ABCA12: variants seen among roughly 807,000 people sequenced by gnomAD.
ABCA12 encodes the protein ATP binding cassette subfamily A member 12.
A neutral mutation model predicts 293.5 loss-of-function variants in ABCA12; 156 were observed. That is an observed-to-expected ratio of 0.53 (90% CI 0.47 to 0.61). The LOEUF (loss-of-function observed/expected upper bound fraction) is 0.61, where lower values mean the gene tolerates loss of function less well. Among genes scored for constraint, ABCA12 ranks in the 20% least tolerant of loss-of-function variants. ABCA12 has a pLI of 0.00. For synonymous variants in ABCA12, 1,063 were observed against 1,108.0 expected (o/e 0.96, Z 0.81); for missense variants, 2,797 against 3,090.2 (o/e 0.91, Z 2.25).
At chr2:214,993,655 C>T (rs1315973240) in intron 23 of ABCA12, among the ~76,000 whole-genome samples, 2 of 152,170 alleles carry the variant, frequency 1.3e-5, no homozygotes, top group African/African-American at 4.8e-5. Context: ...CCTATACAAA[C>T]ATATTTCGTC....
At chr2:215,104,508 C>G (rs879593082) in intron 2 of ABCA12, among the ~76,000 whole-genome samples, 1 of 152,176 alleles carries the variant, frequency 6.6e-6, no homozygotes, top group Non-Finnish European at 1.5e-5. Context: ...TTCGACCCCT[C>G]TGTGTGCTTC....
At chr2:214,951,113 A>G (rs766735654) in intron 44 of ABCA12, 30 bp from the exon 45 acceptor site, 8 of 1,587,064 alleles carry the variant, frequency 5.0e-6, no homozygotes, top group Non-Finnish European at 6.9e-6. Flanking sequence ...TTTTACGTCA[A>G]TGATTTTGAA....
At chr2:215,112,493 TTTTG>T (rs1702595125) in intron 1 of ABCA12, among the ~76,000 whole-genome samples, 1 of 33,664 alleles carries the variant, frequency 3.0e-5, no homozygotes, top group Non-Finnish European at 4.2e-4. Flanking sequence ...TTTGTTTTTT[TTTTG>T]TTTTTTTTTG....
intron 1 of ABCA12, 96 bp downstream of exon 1, chr2:215,138,044 A>T: frequency 7.9e-7 from 1 of 1,273,330 alleles, no homozygotes; most frequent in Non-Finnish European, 1.1e-6. Context: ...AAATGCCTTT[A>T]AACTCTTCTG....
intron 20 of ABCA12, 48 bp downstream of exon 20, chr2:215,004,161 T>C (rs752735993): frequency 6.8e-7 from 1 of 1,465,018 alleles, no homozygotes. Context: ...ATGTTGTTTA[T>C]ATGTCCGACA....
chr2:215,007,772 GAA>G lies in ABCA12; in HGVS notation c.2545_2546del (p.Phe849HisfsTer37). Reference protein sequence around the residue: ...SQEWMDKSPLFMNSFHLLNQA... With the variant: ...SQEWMDKSPLXMNSFHLLNQA... Reference sequence around the variant, plus strand: ...GGTTTAACAGATGGAAGGAATTCATGAAAAGTGGCGACTTATCCATCCACTCT... The same window carrying G: ...GGTTTAACAGATGGAAGGAATTCATGAAGTGGCGACTTATCCATCCACTCT... On this transcript the variant is annotated frameshift_variant, in exon 19 of 53. Coordinates refer to ENST00000272895, the MANE Select transcript of ABCA12 (RefSeq NM_173076.3). LOFTEE classifies it high-confidence loss of function. The G allele has an allele frequency of 6.2e-7, 1 of 1,614,036 alleles. No homozygotes were observed. The highest frequency in any genetic ancestry group is 8.5e-7 in the Non-Finnish European group (1 of 1,179,952).
At position 215,046,062 on chromosome 2, in the gene ABCA12, T is replaced by C. The variant is rs10179876; in HGVS notation, c.694-47A>G. On this transcript the variant is annotated intron_variant, in intron 6 of 52. Transcript: ENST00000272895. Reference sequence around the variant, plus strand: ...CAGAGCAAAATGAGACTTTAACATTTGTAATCACATGGTTTGCTGTTTTTA... The same window carrying C: ...CAGAGCAAAATGAGACTTTAACATTCGTAATCACATGGTTTGCTGTTTTTA... The C allele has an allele frequency of 0.037, 57,878 of 1,578,924 alleles. 8,936 individuals are homozygous for C. In the African/African-American group the frequency reaches 0.48, roughly 13 times the overall value.
chr2:214,969,828 A>G (rs1044280057), intron 37 of ABCA12, among the ~76,000 whole-genome samples: 1 of 152,070 alleles, frequency 6.6e-6, no homozygotes, highest in African/African-American at 2.4e-5. Context: ...GTCCATGACA[A>G]ATGCTTGGGT....
At chr2:214,968,137 T>C (rs1699306596) in intron 38 of ABCA12, among the ~76,000 whole-genome samples, 1 of 152,098 alleles carries the variant, frequency 6.6e-6, no homozygotes, top group African/African-American at 2.4e-5. Context: ...ACCAAAAAAA[T>C]TCTGAAGGAA....
chr2:215,090,734 C>T (rs2970951), intron 2 of ABCA12, among the ~76,000 whole-genome samples: 11 of 152,140 alleles, frequency 7.2e-5, no homozygotes, highest in African/African-American at 2.7e-4. Context: ...GCAAGTACCA[C>T]TTCCCCTGGG....
chr2:214,967,994 G>A (rs1412925046), intron 38 of ABCA12, among the ~76,000 whole-genome samples: 1 of 152,124 alleles, frequency 6.6e-6, no homozygotes, highest in Non-Finnish European at 1.5e-5. Context: ...TAAGTGAGCA[G>A]AATTATTTAT....
At chr2:215,052,614 TC>T in intron 4 of ABCA12, 30 bp from the exon 5 acceptor site, 1 of 1,533,828 alleles carries the variant, frequency 6.5e-7, no homozygotes, top group South Asian at 1.1e-5. Flanking sequence ...AGATTAGCAT[TC>T]CACACACACA....
intron 23 of ABCA12, among the ~76,000 whole-genome samples, chr2:214,992,526 T>C (rs1191406680): frequency 1.9e-4 from 26 of 137,888 alleles, no homozygotes; most frequent in Non-Finnish European, 2.1e-4. Context: ...CCCCCCCTTT[T>C]TTTTTTTTTT....
Position 215,000,922 on chromosome 2 carries a change from T to A in ABCA12, c.2962A>T (p.Ser988Cys). ...CTTGTGGTCTGTGCGGTCTTGAGAC[T>A]CATCCGGATGGTATATTTTATGACA... ...PPVIKYTIRMSLKTAQTTRSL... is the reference protein window; with the variant it reads ...PPVIKYTIRMCLKTAQTTRSL... The change falls in exon 22 of 53, where the codon AGT becomes TGT. Residue 988 changes from serine to cysteine, a missense_variant. Physicochemically the swap from Ser to Cys is moderately radical, Grantham distance 112. Coordinates refer to ENST00000272895, the MANE Select transcript of ABCA12 (RefSeq NM_173076.3). The A allele has an allele frequency of 6.2e-7, 1 of 1,614,108 alleles. No individual in the cohort carries two copies. Among genetic ancestry groups the A allele is most frequent in the Non-Finnish European group, 8.5e-7 (1 of 1,179,992 alleles).
At chr2:214,963,605 C>CAAAAAAAA (rs57895778) in intron 39 of ABCA12, among the ~76,000 whole-genome samples, 1 of 70,186 alleles carries the variant, frequency 1.4e-5, no homozygotes. Flanking sequence ...GCAGAGATAC[C>CAAAAAAAA]AAAAAAAAAA....
intron 20 of ABCA12, 110 bp from the exon 21 acceptor site, chr2:215,001,847 A>G: frequency 1.0e-6 from 1 of 993,200 alleles, no homozygotes; most frequent in Non-Finnish European, 1.5e-6. Context: ...TAAATAACAA[A>G]AGCCTGCAGA....
At chr2:215,036,415 G>T (rs16853200) in intron 8 of ABCA12, among the ~76,000 whole-genome samples, 1 of 151,904 alleles carries the variant, frequency 6.6e-6, no homozygotes, top group East Asian at 1.9e-4. Context: ...ACCAAACTTG[G>T]CAAGTAGGGA....
intron 1 of ABCA12, among the ~76,000 whole-genome samples, chr2:215,129,967 C>T (rs190672317): frequency 1.3e-5 from 2 of 152,120 alleles, no homozygotes; most frequent in Non-Finnish European, 2.9e-5. Flanking sequence ...TACCCAGCAC[C>T]ATTTATTGAA....
At chr2:214,984,015 T>G (rs1486541781) in intron 28 of ABCA12, 150 bp from the exon 29 acceptor site, 1 of 609,412 alleles carries the variant, frequency 1.6e-6, no homozygotes, top group African/African-American at 1.9e-5. Flanking sequence ...TTAATGGGAA[T>G]AAGAAATATT....
Sources: allele counts gnomAD v4.1 joint callset (sites outside exome capture counted in the v4.1 genomes callset), GRCh38; gene constraint gnomAD v4.1.1; transcripts MANE v1.5; gene names NCBI Gene and HGNC (gene_info 2026-07-23, HGNC 2026-07-21).